The following KCNAB1 variants were observed in gnomAD, a reference collection of about 807,000 sequenced individuals.
KCNAB1 encodes the protein potassium voltage-gated channel subfamily A regulatory beta subunit 1.
Under a neutral mutation model 64.6 loss-of-function variants are expected in KCNAB1, and 35 were observed. The ratio of observed to expected loss-of-function variants is 0.54; its 90% CI spans 0.41 to 0.72. The LOEUF (loss-of-function observed/expected upper bound fraction) is 0.72. KCNAB1 is among the 30% of genes least tolerant of loss of function. The probability of loss-of-function intolerance (pLI) is 0.00; values close to 1 mark genes in which losing one functional copy is unlikely to be tolerated. For synonymous variants in KCNAB1, 177 were observed against 183.8 expected, an observed-to-expected ratio of 0.96 and a Z score of 0.30; for missense variants, 401 against 512.9, an observed-to-expected ratio of 0.78 and a Z score of 2.11.
At chr3:156,477,235 T>C (rs1405572223) in intron 8 of KCNAB1, among the ~76,000 whole-genome samples, 3 of 152,164 alleles carry the variant, frequency 2.0e-5, no homozygotes, top group Non-Finnish European at 4.4e-5. Context: ...AACTGCAGCA[T>C]TATTTAGCCT....
intron 2 of KCNAB1, among the ~76,000 whole-genome samples, chr3:156,431,910 T>C (rs1295892503): frequency 6.6e-6 from 1 of 152,246 alleles, no homozygotes; most frequent in Non-Finnish European, 1.5e-5. Flanking sequence ...CCATTGGCTC[T>C]GGTTGGTTTA....
At chr3:156,491,459 A>C (rs1201165654) in intron 8 of KCNAB1, among the ~76,000 whole-genome samples, 2 of 152,178 alleles carry the variant, frequency 1.3e-5, no homozygotes, top group Admixed American at 1.3e-4. Flanking sequence ...GCAATTGTTT[A>C]ATGAAAGGTA....
intron 8 of KCNAB1, among the ~76,000 whole-genome samples, chr3:156,511,686 TACA>T (rs6148151): frequency 0.42 from 63,238 of 151,790 alleles, 13,583 homozygotes; most frequent in African/African-American, 0.52. Flanking sequence ...CTGCCTAGAA[TACA>T]ACAATACCTT....
intron 1 of KCNAB1, among the ~76,000 whole-genome samples, chr3:156,288,365 ATATTTACACCCACATCTATATC>A (rs1263082765): frequency 1.3e-5 from 2 of 152,200 alleles, no homozygotes; most frequent in Non-Finnish European, 2.9e-5. Context: ...ATCTATATCT[ATATTTACACCCACATCTATATC>A]TATGTTTGTG....
At chr3:156,499,367 C>CAATAAT (rs1716224923) in intron 8 of KCNAB1, among the ~76,000 whole-genome samples, 1 of 151,886 alleles carries the variant, frequency 6.6e-6, no homozygotes, top group African/African-American at 2.4e-5. Context: ...TTTCTAGGAC[C>CAATAAT]CTCAGTTTTT....
intron 1 of KCNAB1, among the ~76,000 whole-genome samples, chr3:156,289,968 C>G (rs1029604782): frequency 6.6e-6 from 1 of 152,114 alleles, no homozygotes; most frequent in Non-Finnish European, 1.5e-5. Flanking sequence ...TTTTCATGTA[C>G]CAGGCAAAGT....
chr3:156,483,432 T>A (rs1714973868), intron 8 of KCNAB1, among the ~76,000 whole-genome samples: 1 of 152,120 alleles, frequency 6.6e-6, no homozygotes, highest in Non-Finnish European at 1.5e-5. Flanking sequence ...GTCGTATGCA[T>A]ATGGATATGT....
chr3:156,260,832 C>G (rs1718386227), intron 1 of KCNAB1, among the ~76,000 whole-genome samples: 1 of 152,096 alleles, frequency 6.6e-6, no homozygotes, highest in South Asian at 2.1e-4. Flanking sequence ...ACTACTTTTC[C>G]TAGTGGCTGT....
At chr3:156,302,005 A>G in intron 1 of KCNAB1, among the ~76,000 whole-genome samples, 1 of 152,188 alleles carries the variant, frequency 6.6e-6, no homozygotes, top group Non-Finnish European at 1.5e-5. Context: ...ATAATTCTGG[A>G]GGTCCAAAGT....
intron 12 of KCNAB1, among the ~76,000 whole-genome samples, chr3:156,530,754 A>G (rs1718647462): frequency 2.6e-5 from 4 of 152,202 alleles, no homozygotes; most frequent in Non-Finnish European, 4.4e-5. Flanking sequence ...GGAGGTCCAG[A>G]GAGGGCTGCC....
intron 6 of KCNAB1, among the ~76,000 whole-genome samples, chr3:156,465,000 A>G (rs1408301986): frequency 1.3e-5 from 2 of 152,214 alleles, no homozygotes; most frequent in East Asian, 3.8e-4. Context: ...TATATTTAAA[A>G]AGAAGCTGCC....
chr3:156,363,900 C>T (rs952889776), intron 1 of KCNAB1, among the ~76,000 whole-genome samples: 2 of 152,224 alleles, frequency 1.3e-5, no homozygotes, highest in African/African-American at 4.8e-5. Flanking sequence ...AAGACAAACT[C>T]CATGATGCTG....
chr3:156,463,813 A>G, intron 6 of KCNAB1, 67 bp downstream of exon 6: 1 of 1,273,818 alleles, frequency 7.9e-7, no homozygotes, highest in South Asian at 1.3e-5. Context: ...TTAGGCAGTT[A>G]TTTTACATAT....
At chr3:156,179,212 C>T (rs1339800733) in intron 1 of KCNAB1, among the ~76,000 whole-genome samples, 3 of 151,774 alleles carry the variant, frequency 2.0e-5, no homozygotes, top group Non-Finnish European at 2.9e-5. Context: ...GTGCTTGACA[C>T]AGTTGAATTT....
intron 1 of KCNAB1, among the ~76,000 whole-genome samples, chr3:156,420,303 C>A (rs1715386047): frequency 6.6e-6 from 1 of 152,240 alleles, no homozygotes; most frequent in Admixed American, 6.5e-5. Context: ...GAAAAGGGAG[C>A]AATTTCTACA....
chr3:156,124,692 A>C (rs946268254), intron 1 of KCNAB1, among the ~76,000 whole-genome samples: 2 of 152,310 alleles, frequency 1.3e-5, no homozygotes, highest in Middle Eastern at 3.4e-3. Flanking sequence ...GCAATATTCA[A>C]GAATGCCTAT....
At chr3:156,255,578 A>C (rs548985647) in intron 1 of KCNAB1, among the ~76,000 whole-genome samples, 2 of 152,084 alleles carry the variant, frequency 1.3e-5, no homozygotes, top group Non-Finnish European at 1.5e-5. Context: ...AATGCCCCAC[A>C]CTGCCTGCTG....
chr3:156,510,704 T>A (rs560721590), intron 8 of KCNAB1, among the ~76,000 whole-genome samples: 1 of 152,344 alleles, frequency 6.6e-6, no homozygotes, highest in African/African-American at 2.4e-5. Flanking sequence ...TCTCATGGTC[T>A]GCAGTGGTCT....
chr3:156,518,541 A>C (rs1476047698), intron 11 of KCNAB1, among the ~76,000 whole-genome samples: 1 of 151,750 alleles, frequency 6.6e-6, no homozygotes, highest in African/African-American at 2.4e-5. Context: ...AAGTAGATAA[A>C]TAAATTGGTA....
Sources: gnomAD v4.1 joint callset for allele counts (sites outside exome capture counted in the v4.1 genomes callset) on GRCh38, gnomAD v4.1.1 for gene constraint, MANE v1.5 for transcripts, NCBI Gene and HGNC (gene_info 2026-07-23, HGNC 2026-07-21) for gene names.